Variants in YEATS2 observed in about 807,000 individuals in gnomAD.
YEATS2 encodes YEATS domain-containing protein 2.
A neutral mutation model predicts 163.2 loss-of-function variants in YEATS2; 77 were observed. The observed-to-expected ratio is 0.47, with a 90% CI of 0.39 to 0.57. The LOEUF is 0.57. Ranked by LOEUF, YEATS2 falls within the 20% of genes least tolerant of loss-of-function variation. YEATS2 has a pLI of 0.00. For missense variants in YEATS2, 1,549 were observed against 1,729.8 expected, an observed-to-expected ratio of 0.90 and a Z score of 1.85; for synonymous variants, 631 against 645.1, an observed-to-expected ratio of 0.98 and a Z score of 0.33.
intron 8 of YEATS2, among the ~76,000 whole-genome samples, chr3:183,741,690 G>A (rs1718982687): frequency 6.6e-6 from 1 of 152,104 alleles, no homozygotes; most frequent in South Asian, 2.1e-4. Flanking sequence ...GCTGAGGCAG[G>A]AGAATCACTT....
At chr3:183,779,918 G>A (rs770932253) in intron 19 of YEATS2, among the ~76,000 whole-genome samples, 11 of 151,106 alleles carry the variant, frequency 7.3e-5, no homozygotes, top group African/African-American at 2.2e-4. Flanking sequence ...GGATGGTCTC[G>A]ATCTCTTGAC....
intron 16 of YEATS2, 71 bp from the exon 17 acceptor site, chr3:183,773,562 T>C (rs1336434866): frequency 7.0e-7 from 1 of 1,423,978 alleles, no homozygotes; most frequent in Non-Finnish European, 9.4e-7. Context: ...TTTATTGCCT[T>C]GTATTTTAAT....
intron 28 of YEATS2, chr3:183,807,824 A>G (rs1244432575): frequency 1.8e-6 from 1 of 543,976 alleles, no homozygotes; most frequent in South Asian, 2.4e-5. Flanking sequence ...CATATTTTAA[A>G]TATCAGCCAG....
At chr3:183,730,044 TTTTGTTTG>T (rs1232274438) in intron 7 of YEATS2, among the ~76,000 whole-genome samples, 1 of 89,620 alleles carries the variant, frequency 1.1e-5, no homozygotes, top group Non-Finnish European at 2.1e-5. Context: ...TTGTGTGGTT[TTTTGTTTG>T]TTTTTTTTTT....
chr3:183,709,941 A>G (rs768389592), intron 1 of YEATS2, among the ~76,000 whole-genome samples: 5 of 152,050 alleles, frequency 3.3e-5, no homozygotes, highest in Non-Finnish European at 7.4e-5. Context: ...CGGCCTCCCA[A>G]AGTGCTGGGA....
intron 15 of YEATS2, among the ~76,000 whole-genome samples, chr3:183,771,718 ATTTTTT>A (rs10592078): frequency 2.0e-5 from 2 of 100,218 alleles, no homozygotes; most frequent in Admixed American, 2.2e-4. Context: ...GTACTGGCTA[ATTTTTT>A]TTTTTTTTTT....
intron 11 of YEATS2, among the ~76,000 whole-genome samples, chr3:183,755,656 A>T (rs1720645800): frequency 6.7e-6 from 1 of 149,102 alleles, no homozygotes; most frequent in East Asian, 2.0e-4. Flanking sequence ...TATTCTGGGT[A>T]GGTGAATTTC....
At chr3:183,787,313 A>T (rs1304248757) in intron 20 of YEATS2, among the ~76,000 whole-genome samples, 1 of 152,050 alleles carries the variant, frequency 6.6e-6, no homozygotes, top group Non-Finnish European at 1.5e-5. Context: ...TGGCTACATT[A>T]TTTTAGATTC....
intron 1 of YEATS2, among the ~76,000 whole-genome samples, chr3:183,703,945 G>C (rs1379888729): frequency 6.6e-6 from 1 of 151,902 alleles, no homozygotes; most frequent in Non-Finnish European, 1.5e-5. Context: ...CGGATCACCT[G>C]AGGTCAGGAG....
At chr3:183,771,882 A>G (rs531121739) in intron 15 of YEATS2, among the ~76,000 whole-genome samples, 5 of 151,928 alleles carry the variant, frequency 3.3e-5, no homozygotes, top group Admixed American at 3.3e-4. Flanking sequence ...GTGTGCCACC[A>G]TGCCCAGCTA....
intron 15 of YEATS2, among the ~76,000 whole-genome samples, chr3:183,764,651 C>T (rs1248541423): frequency 1.3e-5 from 2 of 151,542 alleles, no homozygotes; most frequent in African/African-American, 4.9e-5. Flanking sequence ...ACTAAAAATA[C>T]AAAAAATTAT....
intron 15 of YEATS2, among the ~76,000 whole-genome samples, chr3:183,766,728 TTA>T (rs1348157743): frequency 6.6e-6 from 1 of 152,210 alleles, no homozygotes; most frequent in Non-Finnish European, 1.5e-5. Flanking sequence ...TTGTTTTGTT[TTA>T]TGATCATAAC....
chr3:183,810,263 C>A, intron 30 of YEATS2: 1 of 492,042 alleles, frequency 2.0e-6, no homozygotes. Context: ...ATCTTTTTTC[C>A]TAATTATTCA....
At position 183,762,938 on chromosome 3, in the gene YEATS2, C is replaced by T. The variant is rs1435983180; in HGVS notation, c.1947+659C>T. On this transcript the variant is annotated intron_variant, in intron 15 of 30. Transcript: ENST00000305135. The stretch of plus-strand genomic sequence containing the variant: ...TGGTGGCACATGCCTGTAATCCCAG[C>T]TACTCGGGAGACTGAGGCAGGAGAA... Among the ~76,000 whole-genome samples, 5 of 152,008 alleles carry T rather than the reference C, an allele frequency of 3.3e-5. No homozygotes were observed. The South Asian group carries it at 8.3e-4, about 25-fold the overall frequency.
chr3:183,698,048 G>A (rs1364766110), intron 1 of YEATS2, 55 bp downstream of exon 1: 4 of 152,088 alleles, frequency 2.6e-5, no homozygotes, highest in Non-Finnish European at 5.9e-5. Flanking sequence ...CCGCTCTCCG[G>A]GGCATTGTTT....
chr3:183,750,583 ATT>A (rs1720058517), intron 9 of YEATS2, among the ~76,000 whole-genome samples: 2 of 152,090 alleles, frequency 1.3e-5, no homozygotes. Flanking sequence ...CTTCACCAGC[ATT>A]TGTTAATTTT....
At chr3:183,744,461 C>G (rs536639161) in intron 8 of YEATS2, among the ~76,000 whole-genome samples, 1 of 152,222 alleles carries the variant, frequency 6.6e-6, no homozygotes, top group East Asian at 1.9e-4. Context: ...GCACATACTA[C>G]CTTATGTTGC....
intron 1 of YEATS2, among the ~76,000 whole-genome samples, chr3:183,711,886 C>T (rs1577037103): frequency 2.0e-5 from 3 of 151,218 alleles, no homozygotes. Flanking sequence ...ATGGCATGAT[C>T]TCGGCTCACT....
At chr3:183,786,595 T>C (rs1449332701) in intron 20 of YEATS2, among the ~76,000 whole-genome samples, 2 of 152,190 alleles carry the variant, frequency 1.3e-5, no homozygotes, top group Non-Finnish European at 2.9e-5. Flanking sequence ...TCCATCCTTC[T>C]GTTCTAGGCG....
Sources: allele counts gnomAD v4.1 joint callset (sites outside exome capture counted in the v4.1 genomes callset), GRCh38; gene constraint gnomAD v4.1.1; transcripts MANE v1.5; gene names NCBI Gene and HGNC (gene_info 2026-07-23, HGNC 2026-07-21).